Variants in LY96 observed in about 807,000 individuals in gnomAD.
LY96 encodes myeloid differentiation protein-2.
Under a neutral mutation model 18.9 loss-of-function variants are expected in LY96, and 18 were observed. That is an observed-to-expected ratio of 0.95 (90% confidence interval 0.66 to 1.41). The LOEUF (loss-of-function observed/expected upper bound fraction) is 1.41. Among genes scored for constraint, LY96 ranks in the 40% most tolerant of loss-of-function variants. The pLI is 0.00. For missense variants in LY96, 175 were observed against 182.4 expected, an observed-to-expected ratio of 0.96 and a Z score of 0.23; for synonymous variants, 66 against 62.6, an observed-to-expected ratio of 1.06 and a Z score of -0.26.
At chr8:73,996,707 C>T (rs969821699) in intron 1 of LY96, among the ~76,000 whole-genome samples, 9 of 151,568 alleles carry the variant, frequency 5.9e-5, no homozygotes, top group Non-Finnish European at 1.2e-4. Flanking sequence ...GCGTGAGCCA[C>T]TGCGCCTGGT....
chr8:74,087,968 T>C, the LY96 span, among the ~76,000 whole-genome samples: 1 of 152,126 alleles, frequency 6.6e-6, no homozygotes, highest in African/African-American at 2.4e-5. Context: ...TTCCTATCCT[T>C]CAAGGACAAA....
the LY96 span, among the ~76,000 whole-genome samples, chr8:74,087,292 G>A: frequency 6.6e-6 from 1 of 152,184 alleles, no homozygotes; most frequent in African/African-American, 2.4e-5. Context: ...ACTGCAGTCA[G>A]ACCTCCTGTG....
chr8:74,027,171 C>T (rs1816888369), intron 4 of LY96, among the ~76,000 whole-genome samples: 1 of 152,098 alleles, frequency 6.6e-6, no homozygotes, highest in South Asian at 2.1e-4. Flanking sequence ...AATTCCTGAG[C>T]TCAAGCGATC....
At chr8:74,063,971 G>C in the LY96 span, among the ~76,000 whole-genome samples, 1 of 151,934 alleles carries the variant, frequency 6.6e-6, no homozygotes, top group African/African-American at 2.4e-5. Flanking sequence ...CTGTTGGTTG[G>C]TACTGCTAAC....
At chr8:74,072,529 C>T in the LY96 span, among the ~76,000 whole-genome samples, 1 of 152,094 alleles carries the variant, frequency 6.6e-6, no homozygotes, top group African/African-American at 2.4e-5. Context: ...GAAAAGCTGA[C>T]CTGATAATGT....
the LY96 span, among the ~76,000 whole-genome samples, chr8:74,050,692 A>G: frequency 6.6e-6 from 1 of 152,150 alleles, no homozygotes; most frequent in Non-Finnish European, 1.5e-5. Flanking sequence ...AAACATAATT[A>G]CCACCACCAA....
At chr8:74,040,479 T>C in the LY96 span, among the ~76,000 whole-genome samples, 1 of 152,178 alleles carries the variant, frequency 6.6e-6, no homozygotes, top group Non-Finnish European at 1.5e-5. Flanking sequence ...GTCTTAGATT[T>C]GTCTTTAATC....
chr8:73,993,876 G>C (rs371245198), intron 1 of LY96, among the ~76,000 whole-genome samples: 5 of 152,324 alleles, frequency 3.3e-5, no homozygotes, highest in South Asian at 2.1e-4. Context: ...ACTGCACCTG[G>C]CCTAAAATTT....
the LY96 span, among the ~76,000 whole-genome samples, chr8:74,089,908 G>A: frequency 5.9e-5 from 9 of 151,552 alleles, no homozygotes; most frequent in Admixed American, 2.6e-4. Context: ...CAAAGGCCCC[G>A]TGGCTTCCTA....
chr8:74,012,895 T>G (rs1038898674), intron 3 of LY96, among the ~76,000 whole-genome samples: 1 of 152,106 alleles, frequency 6.6e-6, no homozygotes, highest in Non-Finnish European at 1.5e-5. Context: ...GCAATAGAAC[T>G]ATATGTTATT....
chr8:74,024,240 T>C (rs1350274409), intron 3 of LY96, among the ~76,000 whole-genome samples: 2 of 151,968 alleles, frequency 1.3e-5, no homozygotes, highest in Non-Finnish European at 2.9e-5. Context: ...CCTAATGAAG[T>C]AATAAAATAA....
the LY96 span, among the ~76,000 whole-genome samples, chr8:74,052,067 A>G: frequency 1.3e-5 from 2 of 152,210 alleles, no homozygotes; most frequent in African/African-American, 4.8e-5. Context: ...AAGAAAGGAA[A>G]AATAAAAGAA....
chr8:74,097,609 T>G, the LY96 span, among the ~76,000 whole-genome samples: 2 of 151,960 alleles, frequency 1.3e-5, no homozygotes, highest in South Asian at 4.1e-4. Context: ...CTCAGGAGGG[T>G]GAGGCAGGAG....
At chr8:74,086,923 T>C in the LY96 span, among the ~76,000 whole-genome samples, 2 of 152,252 alleles carry the variant, frequency 1.3e-5, no homozygotes, top group African/African-American at 4.8e-5. Flanking sequence ...TGTTTAGGCC[T>C]GTGAGAAATA....
chr8:74,098,691 T>G, the LY96 span, among the ~76,000 whole-genome samples: 1 of 152,188 alleles, frequency 6.6e-6, no homozygotes, highest in Non-Finnish European at 1.5e-5. Flanking sequence ...GTCTTAGTAT[T>G]TATTTGATGA....
At chr8:74,081,146 T>TTCC in the LY96 span, among the ~76,000 whole-genome samples, 643 of 78,054 alleles carry the variant, frequency 8.2e-3, 16 homozygotes, top group African/African-American at 0.03. Flanking sequence ...TCCTTCCTTC[T>TTCC]TTCTTTCTTT....
chr8:74,081,122 T>TTTTC, the LY96 span, among the ~76,000 whole-genome samples: 1 of 124,260 alleles, frequency 8.0e-6, no homozygotes, highest in Non-Finnish European at 1.7e-5. Context: ...TCTTTCTTTC[T>TTTTC]TTCCTTCCTT....
the LY96 span, among the ~76,000 whole-genome samples, chr8:74,070,108 T>C: frequency 6.6e-6 from 1 of 152,072 alleles, no homozygotes; most frequent in South Asian, 2.1e-4. Flanking sequence ...CTTTTTTTTT[T>C]TGAGACGCGG....
At chr8:74,095,756 C>T in the LY96 span, among the ~76,000 whole-genome samples, 1 of 152,190 alleles carries the variant, frequency 6.6e-6, no homozygotes, top group Non-Finnish European at 1.5e-5. Flanking sequence ...AGGGCTCAGA[C>T]CTTAGATCGC....
Sources: gnomAD v4.1 joint callset for allele counts (sites outside exome capture counted in the v4.1 genomes callset) on GRCh38, gnomAD v4.1.1 for gene constraint, MANE v1.5 for transcripts, NCBI Gene and HGNC (gene_info 2026-07-23, HGNC 2026-07-21) for gene names.